Variants in ACTR3B observed in about 807,000 individuals in gnomAD.
The protein encoded by ACTR3B is actin-related protein 3B.
In ACTR3B, 8 loss-of-function variants were observed where a neutral mutation model predicts 59.0. The observed-to-expected ratio is 0.14, with a 90% CI of 0.08 to 0.24. The LOEUF is 0.24. Ranked by LOEUF, ACTR3B falls within the 10% of genes least tolerant of loss-of-function variation. The probability of loss-of-function intolerance (pLI) is 1.00; values close to 1 mark genes in which losing one functional copy is unlikely to be tolerated. For missense variants in ACTR3B, 245 were observed against 552.3 expected (o/e 0.44, Z 5.58); for synonymous variants, 148 against 197.9 (o/e 0.75, Z 2.12).
At chr7:152,810,121 T>C (rs546801597) in intron 4 of ACTR3B, among the ~76,000 whole-genome samples, 1 of 152,114 alleles carries the variant, frequency 6.6e-6, no homozygotes, top group South Asian at 2.1e-4. Context: ...TGTTTTTTGT[T>C]TTTGAGATGG....
At chr7:152,764,236 AC>A in intron 1 of ACTR3B, among the ~76,000 whole-genome samples, 1 of 151,982 alleles carries the variant, frequency 6.6e-6, no homozygotes, top group Admixed American at 6.6e-5. Flanking sequence ...TGAACTCCTA[AC>A]CTCAGGTGAT....
chr7:152,854,604 C>CT lies in ACTR3B; in HGVS notation c.*53dup, dbSNP rs774724016. The CT allele has an allele frequency of 6.3e-7, 1 of 1,578,164 alleles. No individual in the cohort carries two copies. Among genetic ancestry groups the CT allele is most frequent in the Non-Finnish European group, 8.7e-7 (1 of 1,149,096 alleles). ...GGTGTCACGTTGGGGAACAAGTGTC[C>CT]TTCAGAACCCAGAGAAGGCCGCCGT... On this transcript the variant is annotated 3_prime_UTR_variant, in exon 12 of 12. Transcript: ENST00000256001. The surrounding 1 kb of genome is among the most constrained non-coding windows in gnomAD (Gnocchi z 4.9).
chr7:152,851,043 G>C (rs915372648), intron 9 of ACTR3B, among the ~76,000 whole-genome samples: 1 of 152,186 alleles, frequency 6.6e-6, no homozygotes, highest in Non-Finnish European at 1.5e-5. Context: ...TTGTCAGTGA[G>C]GATATGATTC....
chr7:152,778,772 G>A (rs111947003), intron 1 of ACTR3B, among the ~76,000 whole-genome samples: 1 of 149,856 alleles, frequency 6.7e-6, no homozygotes, highest in Non-Finnish European at 1.5e-5. Context: ...AGACCCCTCT[G>A]TACAAAAAAT....
chr7:152,853,899 T>G (rs567366187), intron 11 of ACTR3B, among the ~76,000 whole-genome samples: 212 of 152,056 alleles, frequency 1.4e-3, no homozygotes, highest in Admixed American at 3.1e-3. Context: ...TTTTGTTGTA[T>G]TTTTAGTAAA....
chr7:152,846,319 A>G (rs1279045641), intron 9 of ACTR3B, among the ~76,000 whole-genome samples: 1 of 142,712 alleles, frequency 7.0e-6, no homozygotes, highest in Non-Finnish European at 1.5e-5. Context: ...TGCAGTCTGC[A>G]GTGAGCTCTA....
intron 2 of ACTR3B, among the ~76,000 whole-genome samples, chr7:152,787,483 ATTTG>A (rs1294698194): frequency 6.6e-6 from 1 of 151,698 alleles, no homozygotes; most frequent in Non-Finnish European, 1.5e-5. Flanking sequence ...TTCTTTTATA[ATTTG>A]TTTCTGTTTA....
intron 10 of ACTR3B, among the ~76,000 whole-genome samples, chr7:152,852,759 G>A (rs965404939): frequency 4.6e-5 from 7 of 152,102 alleles, no homozygotes; most frequent in Non-Finnish European, 1.0e-4. Context: ...GAGATCCCAC[G>A]AGTCCACTGT....
chr7:152,772,369 A>T (rs1486212872), intron 1 of ACTR3B, among the ~76,000 whole-genome samples: 1 of 149,490 alleles, frequency 6.7e-6, no homozygotes, highest in African/African-American at 2.5e-5. Context: ...CCTGCCCCCT[A>T]AAAGAAAAAG....
At chr7:152,809,762 C>G (rs575254337) in intron 4 of ACTR3B, among the ~76,000 whole-genome samples, 2 of 151,962 alleles carry the variant, frequency 1.3e-5, no homozygotes, top group Non-Finnish European at 2.9e-5. Context: ...AGGCTGGTCT[C>G]AAACTCCTGA....
At chr7:152,807,899 T>C (rs1420753454) in intron 4 of ACTR3B, among the ~76,000 whole-genome samples, 4 of 152,216 alleles carry the variant, frequency 2.6e-5, no homozygotes, top group Non-Finnish European at 5.9e-5. Flanking sequence ...CATAACAGAA[T>C]TTATCATTTG....
intron 9 of ACTR3B, among the ~76,000 whole-genome samples, chr7:152,826,290 G>A (rs554181093): frequency 2.0e-4 from 30 of 151,448 alleles, no homozygotes; most frequent in African/African-American, 3.7e-4. Context: ...TATAGTTTGC[G>A]TATTTTTTGA....
intron 2 of ACTR3B, among the ~76,000 whole-genome samples, chr7:152,791,535 AC>A (rs2098196264): frequency 6.6e-6 from 1 of 152,268 alleles, no homozygotes; most frequent in Non-Finnish European, 1.5e-5. Flanking sequence ...CAATATTATA[AC>A]CAGAAGTGAG....
intron 8 of ACTR3B, 44 bp downstream of exon 8, chr7:152,823,559 G>C: frequency 1.3e-6 from 2 of 1,597,658 alleles, no homozygotes; most frequent in South Asian, 2.3e-5. Flanking sequence ...GGGATGGAGC[G>C]ATACTGCCAC....
chr7:152,826,327 A>G (rs1796572018), intron 9 of ACTR3B, among the ~76,000 whole-genome samples: 1 of 151,998 alleles, frequency 6.6e-6, no homozygotes, highest in South Asian at 2.1e-4. Flanking sequence ...TCTTAAAGTA[A>G]ATAAAATATC....
chr7:152,798,942 C>A (rs2098226025), intron 2 of ACTR3B, among the ~76,000 whole-genome samples: 1 of 152,150 alleles, frequency 6.6e-6, no homozygotes, highest in African/African-American at 2.4e-5. Context: ...CTCCAGCTTT[C>A]TTCTTTTTGC....
At chr7:152,777,161 C>G (rs1280152535) in intron 1 of ACTR3B, among the ~76,000 whole-genome samples, 2 of 152,046 alleles carry the variant, frequency 1.3e-5, no homozygotes, top group Non-Finnish European at 2.9e-5. Flanking sequence ...CTCTTTAACC[C>G]TTTACTATCA....
chr7:152,777,609 A>G (rs2098139335), intron 1 of ACTR3B, among the ~76,000 whole-genome samples: 1 of 152,136 alleles, frequency 6.6e-6, no homozygotes, highest in Non-Finnish European at 1.5e-5. Context: ...TTATTGCTTT[A>G]GTTTTTCACT....
chr7:152,842,803 G>T (rs2116965629), intron 9 of ACTR3B, among the ~76,000 whole-genome samples: 1 of 152,318 alleles, frequency 6.6e-6, no homozygotes, highest in South Asian at 2.1e-4. Context: ...ACCCAGGAGT[G>T]CAGTTGCTTT....
Sources: gnomAD v4.1 joint callset for allele counts (sites outside exome capture counted in the v4.1 genomes callset) on GRCh38, gnomAD v4.1.1 for gene constraint, Gnocchi (gnomAD v3.1) non-coding constraint, MANE v1.5 for transcripts, NCBI Gene and HGNC (gene_info 2026-07-23, HGNC 2026-07-21) for gene names.